The following NBPF15 variants were observed in gnomAD, a reference collection of about 807,000 sequenced individuals.
NBPF15 encodes NBPF member 15.
In NBPF15, 74 loss-of-function variants were observed where a neutral mutation model predicts 62.2. The observed-to-expected ratio is 1.19, with a 90% confidence interval of 0.99 to 1.44. The LOEUF is 1.44. Among genes scored for constraint, NBPF15 ranks in the 40% most tolerant of loss-of-function variants. The pLI is 0.00. For missense variants in NBPF15, 790 were observed against 550.0 expected, an observed-to-expected ratio of 1.44 and a Z score of -4.36; for synonymous variants, 244 against 209.7, an observed-to-expected ratio of 1.16 and a Z score of -1.41.
chr1:144,431,533 T>G (rs1674318937), intron 13 of NBPF15, among the ~76,000 whole-genome samples: 1 of 150,656 alleles, frequency 6.6e-6, no homozygotes, highest in African/African-American at 2.4e-5. Context: ...AGGGTACATG[T>G]GCACAACGTG....
intron 6 of NBPF15, among the ~76,000 whole-genome samples, chr1:144,442,134 T>C (rs1478224315): frequency 5.3e-3 from 1 of 188 alleles, no homozygotes; most frequent in African/African-American, 8.6e-3. Context: ...TACACGTGTA[T>C]ATATATATAT....
At chr1:144,447,657 T>C (rs3902340) in intron 6 of NBPF15, among the ~76,000 whole-genome samples, 13,583 of 150,728 alleles carry the variant, frequency 0.09, 1,656 homozygotes, top group African/African-American at 0.27. Context: ...TAGCTAATAA[T>C]GCCAGGTGAC....
At chr1:144,446,061 G>A (rs1687327198) in intron 6 of NBPF15, among the ~76,000 whole-genome samples, 1 of 150,362 alleles carries the variant, frequency 6.7e-6, no homozygotes, top group Non-Finnish European at 1.5e-5. Context: ...TTCACTGTTA[G>A]GCATGATGGT....
chr1:144,445,853 C>CTTTT (rs1229682742), intron 6 of NBPF15, among the ~76,000 whole-genome samples: 1 of 105,406 alleles, frequency 9.5e-6, no homozygotes, highest in Non-Finnish European at 2.0e-5. Context: ...GTTGACTTTC[C>CTTTT]TTTTTTTTTT....
chr1:144,439,176 G>T (rs1355474819), intron 8 of NBPF15, among the ~76,000 whole-genome samples: 11 of 151,684 alleles, frequency 7.3e-5, no homozygotes, highest in Admixed American at 4.6e-4. Context: ...TGGAGATGGG[G>T]TTTCTCCATG....
At chr1:144,434,716 A>G (rs9438155) in intron 12 of NBPF15, among the ~76,000 whole-genome samples, 13,476 of 149,886 alleles carry the variant, frequency 0.09, 1,655 homozygotes, top group African/African-American at 0.28. Context: ...GTGAAGCCTG[A>G]GGAACGATAT....
intron 6 of NBPF15, among the ~76,000 whole-genome samples, chr1:144,446,085 C>T (rs1474743332): frequency 3.8e-4 from 57 of 151,232 alleles, no homozygotes; most frequent in African/African-American, 1.1e-3. Context: ...CATCTCCTGA[C>T]CTCATGATCT....
At chr1:144,456,969 C>G (rs1278857017) in intron 3 of NBPF15, among the ~76,000 whole-genome samples, 164 bp from the exon 4 acceptor site, 12 of 150,300 alleles carry the variant, frequency 8.0e-5, no homozygotes, top group African/African-American at 2.9e-4. Flanking sequence ...ATGTAATCAA[C>G]AGTCCTCACC....
intron 6 of NBPF15, among the ~76,000 whole-genome samples, chr1:144,445,600 T>C (rs1686932464): frequency 6.6e-6 from 1 of 150,630 alleles, no homozygotes; most frequent in South Asian, 2.1e-4. Context: ...ATTTTATTAT[T>C]CTTGATCATT....
chr1:144,439,542 A>G (rs1310667206), intron 8 of NBPF15, among the ~76,000 whole-genome samples: 2 of 152,136 alleles, frequency 1.3e-5, no homozygotes, highest in African/African-American at 2.4e-5. Flanking sequence ...TCTTGAAAAC[A>G]TGATTGAGCC....
At position 144,439,839 on chromosome 1, in the gene NBPF15, C is replaced by A; in HGVS notation, c.165G>T (p.Gln55His). The A allele has an allele frequency of 1.2e-6, 2 of 1,603,724 alleles. 1 individual carries two copies. Among genetic ancestry groups the A allele is most frequent in the South Asian group, 2.2e-5 (2 of 90,864 alleles). The part of the protein sequence containing the change: ...TQLAGFLANR[Q>H]KKYKYEECKD... ...GCCTATAGATCTTACTGTATTTCTT[C>A]TGTCGGTTGGCCAGGAAGCCGGCCA... Residue 55 changes from glutamine (Q) to histidine (H), a missense_variant, in exon 8 of 22, where the codon CAG (glutamine) becomes CAT (histidine). Transcript: ENST00000581897.
intron 4 of NBPF15, among the ~76,000 whole-genome samples, chr1:144,456,218 T>G (rs1647605823): frequency 1.8e-4 from 23 of 125,266 alleles, no homozygotes; most frequent in Middle Eastern, 3.9e-3. Flanking sequence ...GAGACGGAAA[T>G]GGGGGCAGAG....
At position 144,461,420 on chromosome 1, in the gene NBPF15, G is replaced by T; in HGVS notation, c.-977C>A. 1.3e-5 allele frequency: 2 copies of T among 152,038 alleles called. 1 individual carries two copies. The highest frequency in any genetic ancestry group is 2.9e-5 in the Non-Finnish European group (2 of 68,028). 9.4% of individuals were successfully genotyped at this position (152,038 alleles called of 1,614,324 possible). On this transcript the variant is annotated 5_prime_UTR_variant, in exon 1 of 22. Coordinates refer to ENST00000581897, the MANE Select transcript of NBPF15 (RefSeq NM_001385408.1). ...GGCGCGGCGCCTTCACCTCGGAAAC[G>T]CTGGGTGGACTTCGCTGTAAACCGT...
At chr1:144,435,532 T>C (rs2102014755) in intron 11 of NBPF15, among the ~76,000 whole-genome samples, 1 of 151,760 alleles carries the variant, frequency 6.6e-6, no homozygotes, top group South Asian at 2.1e-4. Context: ...TGCTGTTCAT[T>C]GCACTGGACA....
At chr1:144,452,329 C>G (rs587753548) in intron 4 of NBPF15, among the ~76,000 whole-genome samples, 3 of 151,978 alleles carry the variant, frequency 2.0e-5, no homozygotes, top group Admixed American at 2.0e-4. Context: ...CAAGGAGAGC[C>G]ATAAACAGGA....
At chr1:144,437,467 AC>A (rs1397370858) in intron 9 of NBPF15, among the ~76,000 whole-genome samples, 21 of 145,952 alleles carry the variant, frequency 1.4e-4, no homozygotes, top group African/African-American at 5.4e-4. Flanking sequence ...GCCACTAGAT[AC>A]AAAGCCATGT....
intron 6 of NBPF15, among the ~76,000 whole-genome samples, chr1:144,447,333 G>A (rs1214832607): frequency 6.6e-6 from 1 of 151,766 alleles, no homozygotes; most frequent in Non-Finnish European, 1.5e-5. Context: ...GGTAAATAAT[G>A]CTATGGGACC....
chr1:144,433,357 C>T (rs1675906695), intron 13 of NBPF15, among the ~76,000 whole-genome samples: 1 of 151,954 alleles, frequency 6.6e-6, no homozygotes, highest in Admixed American at 6.6e-5. Flanking sequence ...CAGAAAAGAT[C>T]TAAAATTGAC....
At chr1:144,445,203 A>G (rs1490565692) in intron 6 of NBPF15, among the ~76,000 whole-genome samples, 31 of 147,642 alleles carry the variant, frequency 2.1e-4, no homozygotes, top group African/African-American at 7.2e-4. Flanking sequence ...AATTGTTTCA[A>G]TGTGCTGTTT....
Sources: gnomAD v4.1 joint callset for allele counts (sites outside exome capture counted in the v4.1 genomes callset) on GRCh38, gnomAD v4.1.1 for gene constraint, MANE v1.5 for transcripts, NCBI Gene and HGNC (gene_info 2026-07-23, HGNC 2026-07-21) for gene names.